ENPP2: variants seen among roughly 807,000 people sequenced by gnomAD.
The protein encoded by ENPP2 is ectonucleotide pyrophosphatase/phosphodiesterase 2, also known as autotaxin.
Under a neutral mutation model 120.2 loss-of-function variants are expected in ENPP2, and 51 were observed. The ratio of observed to expected loss-of-function variants is 0.42; its 90% CI spans 0.34 to 0.54. The LOEUF is 0.54. Ranked by LOEUF, ENPP2 falls within the 20% of genes least tolerant of loss-of-function variation. ENPP2 has a pLI of 0.04. For synonymous variants in ENPP2, 365 were observed against 366.4 expected (o/e 1.00, Z 0.04); for missense variants, 920 against 1,066.5 (o/e 0.86, Z 1.91).
chr8:119,645,658 A>T (rs894902677), intron 1 of ENPP2, among the ~76,000 whole-genome samples: 5 of 151,748 alleles, frequency 3.3e-5, no homozygotes, highest in Non-Finnish European at 5.9e-5. Flanking sequence ...CCCATCTCTA[A>T]TACAAAATTA....
chr8:119,649,525 A>G (rs35409188), intron 1 of ENPP2, among the ~76,000 whole-genome samples: 4 of 152,210 alleles, frequency 2.6e-5, no homozygotes, highest in Non-Finnish European at 4.4e-5. Context: ...AGAGAGAATC[A>G]CTGAGATATA....
intron 11 of ENPP2, 49 bp from the exon 12 acceptor site, chr8:119,593,909 T>G (rs1235617059): frequency 9.5e-7 from 1 of 1,055,430 alleles, no homozygotes. Flanking sequence ...TTTCTTTCCC[T>G]TTCAGTCTCT....
chr8:119,600,893 C>T (rs1563718409), intron 10 of ENPP2, 143 bp from the exon 11 acceptor site: 2 of 474,768 alleles, frequency 4.2e-6, no homozygotes, highest in South Asian at 3.1e-5. Context: ...GCATGAAAAA[C>T]TTTTTTTTTT....
intron 15 of ENPP2, among the ~76,000 whole-genome samples, chr8:119,584,995 A>C (rs1170860838): frequency 3.3e-5 from 5 of 152,180 alleles, no homozygotes; most frequent in Non-Finnish European, 7.3e-5. Context: ...TTGTTAACCA[A>C]CATGCCTGGT....
At chr8:119,616,842 A>G (rs1815488751) in intron 7 of ENPP2, among the ~76,000 whole-genome samples, 1 of 152,232 alleles carries the variant, frequency 6.6e-6, no homozygotes. Context: ...GAAAATTAAA[A>G]TATAGCCCTG....
intron 2 of ENPP2, among the ~76,000 whole-genome samples, chr8:119,629,536 C>A (rs1816512437): frequency 6.6e-6 from 1 of 152,160 alleles, no homozygotes; most frequent in Admixed American, 6.5e-5. Flanking sequence ...GTCATCCAAT[C>A]CCAGCCTTTA....
chr8:119,608,806 C>G (rs1171184902), intron 8 of ENPP2, among the ~76,000 whole-genome samples: 1 of 152,146 alleles, frequency 6.6e-6, no homozygotes, highest in Non-Finnish European at 1.5e-5. Flanking sequence ...TGAGTTAATA[C>G]ATTTAAAGTC....
At chr8:119,660,004 G>C (rs1353718273) in intron 1 of ENPP2, among the ~76,000 whole-genome samples, 2 of 152,024 alleles carry the variant, frequency 1.3e-5, no homozygotes, top group East Asian at 3.9e-4. Context: ...GCTGGCCAAG[G>C]GACTAAGAAA....
At chr8:119,654,518 T>G (rs950340874) in intron 1 of ENPP2, among the ~76,000 whole-genome samples, 6 of 148,154 alleles carry the variant, frequency 4.0e-5, no homozygotes, top group Non-Finnish European at 8.9e-5. Context: ...ATATAATAAA[T>G]ATTAGAGTGA....
intron 16 of ENPP2, 33 bp from the exon 17 acceptor site, chr8:119,583,837 A>C: frequency 6.8e-7 from 1 of 1,460,058 alleles, no homozygotes; most frequent in Non-Finnish European, 9.6e-7. Context: ...AAAACAGTTA[A>C]GCATTGTTAG....
intron 6 of ENPP2, 44 bp downstream of exon 6, chr8:119,617,422 A>T: frequency 7.3e-7 from 1 of 1,373,388 alleles, no homozygotes; most frequent in South Asian, 1.2e-5. Context: ...TAGTGTGGAG[A>T]TCCTAGATTA....
intron 8 of ENPP2, among the ~76,000 whole-genome samples, chr8:119,612,208 G>C (rs980191812): frequency 6.6e-6 from 1 of 152,138 alleles, no homozygotes; most frequent in Non-Finnish European, 1.5e-5. Context: ...AAAGGCACCA[G>C]GTTAGCAGAG....
chr8:119,581,429 C>G (rs1812728469), intron 18 of ENPP2, among the ~76,000 whole-genome samples: 1 of 151,992 alleles, frequency 6.6e-6, no homozygotes, highest in Admixed American at 6.6e-5. Flanking sequence ...CCTGTGGCTC[C>G]CTGTTGGGCT....
intron 24 of ENPP2, among the ~76,000 whole-genome samples, chr8:119,562,236 A>T (rs1814022172): frequency 6.6e-6 from 1 of 152,024 alleles, no homozygotes; most frequent in African/African-American, 2.4e-5. Flanking sequence ...TGAGGTCAGG[A>T]GTTCAAGACC....
intron 11 of ENPP2, among the ~76,000 whole-genome samples, chr8:119,597,856 T>C (rs7842627): frequency 0.025 from 3,810 of 152,308 alleles, 165 homozygotes; most frequent in African/African-American, 0.086. Flanking sequence ...TCTGAAAAAA[T>C]GTGGACTCAA....
chr8:119,563,459 A>G (rs756686554), intron 23 of ENPP2, among the ~76,000 whole-genome samples: 1 of 152,196 alleles, frequency 6.6e-6, no homozygotes, highest in Non-Finnish European at 1.5e-5. Context: ...TTTCAGGAAG[A>G]TAACTTTCCT....
intron 19 of ENPP2, chr8:119,572,884 G>C (rs576460017): frequency 9.8e-5 from 15 of 152,494 alleles, no homozygotes; most frequent in African/African-American, 3.6e-4. Flanking sequence ...GAATGCAGAG[G>C]ATGATGAATA....
rs1039754497 is a variant in ENPP2, at chr8:119,648,695, C to A, written c.22-10168G>T. Among the ~76,000 whole-genome samples, 9 of 152,220 alleles carry A rather than the reference C, an allele frequency of 5.9e-5. No homozygotes were observed. In the South Asian group the frequency reaches 1.9e-3, roughly 32 times the overall value. ...CTTGCAATCATACAACAGTGAAGGG[C>A]ATTCAACAAACTAGGAAGAGAGGAC... is the stretch of plus-strand genomic sequence containing the variant. On this transcript the variant is annotated intron_variant, in intron 1 of 25. Transcript: ENST00000427067.
intron 3 of ENPP2, among the ~76,000 whole-genome samples, chr8:119,623,483 G>A (rs1447289501): frequency 6.6e-6 from 1 of 152,022 alleles, no homozygotes; most frequent in Non-Finnish European, 1.5e-5. Flanking sequence ...AAAAAAGAGA[G>A]AGAGATATTA....
Sources: allele counts gnomAD v4.1 joint callset (sites outside exome capture counted in the v4.1 genomes callset), GRCh38; gene constraint gnomAD v4.1.1; transcripts MANE v1.5; gene names NCBI Gene and HGNC (gene_info 2026-07-23, HGNC 2026-07-21).